The following ZNF385D variants were observed in gnomAD, a reference collection of about 807,000 sequenced individuals.
The protein encoded by ZNF385D is zinc finger protein 385D.
Under a neutral mutation model 35.8 loss-of-function variants are expected in ZNF385D, and 15 were observed. That is an observed-to-expected ratio of 0.42 (90% CI 0.28 to 0.64). The LOEUF is 0.64. Ranked by LOEUF, ZNF385D falls within the 30% of genes least tolerant of loss-of-function variation. ZNF385D has a pLI of 0.23. For missense variants in ZNF385D, 474 were observed against 494.6 expected, an observed-to-expected ratio of 0.96 and a Z score of 0.39; for synonymous variants, 212 against 186.8, an observed-to-expected ratio of 1.13 and a Z score of -1.10.
chr3:21,770,176 C>T (rs572440025), intron 3 of ZNF385D, among the ~76,000 whole-genome samples: 7 of 151,938 alleles, frequency 4.6e-5, no homozygotes, highest in Non-Finnish European at 5.9e-5. Context: ...CATAGGCATG[C>T]GCAAGGACTT....
Position 21,673,285 on chromosome 3 carries a change from C to T in ZNF385D, c.23-8257G>A, listed in dbSNP as rs191227348. On this transcript the variant is annotated intron_variant, in intron 1 of 7. Coordinates refer to ENST00000281523, the MANE Select transcript of ZNF385D (RefSeq NM_024697.3). The stretch of plus-strand genomic sequence containing the variant: ...AAATTCAGTTATCAGTCACACTAGC[C>T]GCATTTCAAACGTCTGATAGCCACA... 1.9e-3 allele frequency among the ~76,000 whole-genome samples: 287 copies of T among 152,196 alleles called. 8 individuals carry two copies. In the South Asian group the frequency reaches 0.041, roughly 22 times the overall value.
chr3:22,337,582 G>C (rs1349359783), intron 2 of ZNF385D, among the ~76,000 whole-genome samples: 1 of 152,032 alleles, frequency 6.6e-6, no homozygotes, highest in Non-Finnish European at 1.5e-5. Context: ...TGGTACACTT[G>C]GTATTAGAAC....
chr3:21,975,962 T>A (rs571644610), intron 3 of ZNF385D, among the ~76,000 whole-genome samples: 2 of 152,178 alleles, frequency 1.3e-5, no homozygotes, highest in East Asian at 3.9e-4. Flanking sequence ...ATATGAAGTT[T>A]TCAGCATTTC....
chr3:21,826,145 A>G (rs1185904501), intron 3 of ZNF385D, among the ~76,000 whole-genome samples: 2 of 152,190 alleles, frequency 1.3e-5, no homozygotes, highest in Non-Finnish European at 2.9e-5. Context: ...TGCTTTGACC[A>G]GAAGTAGTCA....
rs1163802730 is a variant in ZNF385D, at chr3:22,116,906, G to A, written c.325+51911C>T. On this transcript the variant is annotated intron_variant, in intron 3 of 5. Transcript: ENST00000494108. ...AACACTGAGTTGTCACCATGTGCTA[G>A]TCACTTTACTAAGTGTTTAGGTCAT... Among the ~76,000 whole-genome samples the A allele has an allele frequency of 3.9e-5, 6 of 152,122 alleles. No individual in the cohort carries two copies. The East Asian group carries it at 1.2e-3, about 29-fold the overall frequency.
Position 22,358,788 on chromosome 3 carries a change from C to T in ZNF385D, c.106+13662G>A, listed in dbSNP as rs529302248. The stretch of plus-strand genomic sequence containing the variant: ...AAAAGCAAGGAAAAATTTAGAATGG[C>T]CTTTACAGTAACAGAGCTACCAGGG... On this transcript the variant is annotated intron_variant, in intron 2 of 5. Coordinates refer to the ZNF385D transcript ENST00000494108. Among the ~76,000 whole-genome samples, 27 of 151,682 alleles carry T rather than the reference C, an allele frequency of 1.8e-4. 1 individual carries two copies. Among genetic ancestry groups the T allele is most frequent in the African/African-American group, 6.5e-4 (27 of 41,436 alleles).
chr3:21,914,717 T>C (rs916392818), intron 3 of ZNF385D, among the ~76,000 whole-genome samples: 3 of 152,176 alleles, frequency 2.0e-5, no homozygotes, highest in African/African-American at 7.2e-5. Flanking sequence ...TATAAAATTA[T>C]GAATGTGCAG....
chr3:21,689,369 T>C (rs1311362783), intron 1 of ZNF385D, among the ~76,000 whole-genome samples: 3 of 152,054 alleles, frequency 2.0e-5, no homozygotes, highest in African/African-American at 7.2e-5. Context: ...CAACTTACAA[T>C]ACCTAGATGA....
chr3:21,851,133 T>C (rs556003176), intron 3 of ZNF385D, among the ~76,000 whole-genome samples: 1 of 151,620 alleles, frequency 6.6e-6, no homozygotes, highest in East Asian at 1.9e-4. Context: ...AAAAGACAAA[T>C]GGAAAGTACA....
chr3:22,045,394 A>G (rs922376849), intron 3 of ZNF385D, among the ~76,000 whole-genome samples: 5 of 152,180 alleles, frequency 3.3e-5, no homozygotes, highest in African/African-American at 1.2e-4. Context: ...AGAAATACGA[A>G]TGGGAGATGA....
chr3:22,159,513 C>A (rs1049922075), intron 3 of ZNF385D, among the ~76,000 whole-genome samples: 2 of 151,944 alleles, frequency 1.3e-5, no homozygotes, highest in African/African-American at 4.8e-5. Context: ...TTCTCAGGGA[C>A]AGAGATTGCA....
chr3:21,794,677 G>A (rs1575662138), intron 3 of ZNF385D, among the ~76,000 whole-genome samples: 1 of 152,116 alleles, frequency 6.6e-6, no homozygotes, highest in African/African-American at 2.4e-5. Flanking sequence ...GTTAGATTGG[G>A]ATGGGAGGAA....
At chr3:21,915,862 C>T (rs932449854) in intron 3 of ZNF385D, among the ~76,000 whole-genome samples, 1 of 152,030 alleles carries the variant, frequency 6.6e-6, no homozygotes, top group Non-Finnish European at 1.5e-5. Context: ...AAGAACTTTA[C>T]CAAACACGGC....
intron 1 of ZNF385D, among the ~76,000 whole-genome samples, chr3:21,670,647 G>GCCCCCCCCCCCCCCCCC (rs1575432248): frequency 1.9e-4 from 3 of 15,758 alleles, no homozygotes; most frequent in African/African-American, 4.9e-4. Context: ...GAAATCCTAA[G>GCCCCCCCCCCCCCCCCC]GCGCCCCCCC....
chr3:22,106,528 A>G (rs890474312), intron 3 of ZNF385D, among the ~76,000 whole-genome samples: 4 of 152,120 alleles, frequency 2.6e-5, no homozygotes, highest in Admixed American at 2.0e-4. Flanking sequence ...TTCTTTCCAG[A>G]TATGACTTTA....
chr3:21,799,496 C>T (rs924370212), intron 3 of ZNF385D, among the ~76,000 whole-genome samples: 6 of 152,066 alleles, frequency 3.9e-5, no homozygotes, highest in Admixed American at 6.6e-5. Flanking sequence ...TTGTATTTAC[C>T]TAAAAACTAT....
intron 2 of ZNF385D, among the ~76,000 whole-genome samples, chr3:21,636,378 TTATATATATATATA>T (rs1183440640): frequency 8.3e-5 from 4 of 47,996 alleles, no homozygotes; most frequent in Admixed American, 3.3e-4. Flanking sequence ...ATATATATGA[TTATATATATATATA>T]TATATATATA....
At chr3:22,087,171 A>C (rs139090238) in intron 3 of ZNF385D, among the ~76,000 whole-genome samples, 1 of 152,318 alleles carries the variant, frequency 6.6e-6, no homozygotes, top group Non-Finnish European at 1.5e-5. Context: ...TTGATGTCAC[A>C]AATTACTGAA....
At chr3:21,940,211 A>G (rs936407108) in intron 3 of ZNF385D, among the ~76,000 whole-genome samples, 5 of 152,134 alleles carry the variant, frequency 3.3e-5, no homozygotes, top group African/African-American at 1.2e-4. Context: ...AACATATGAA[A>G]AAAATTTTAA....
Sources: allele counts gnomAD v4.1 joint callset (sites outside exome capture counted in the v4.1 genomes callset), GRCh38; gene constraint gnomAD v4.1.1; transcripts MANE v1.5; gene names NCBI Gene and HGNC (gene_info 2026-07-23, HGNC 2026-07-21).